The following RTN3 variants were observed in gnomAD, a reference collection of about 807,000 sequenced individuals.
The protein encoded by RTN3 is reticulon-3.
Under a neutral mutation model 77.8 loss-of-function variants are expected in RTN3, and 49 were observed. The observed-to-expected ratio is 0.63, with a 90% CI of 0.50 to 0.80. The LOEUF is 0.80. RTN3 is among the 30% of genes least tolerant of loss of function. The probability of loss-of-function intolerance (pLI) is 0.00; values close to 1 mark genes in which losing one functional copy is unlikely to be tolerated. For missense variants in RTN3, 1,236 were observed against 1,211.9 expected (o/e 1.02, Z -0.29); for synonymous variants, 464 against 446.9 (o/e 1.04, Z -0.48).
chr11:63,744,643 T>C lies in RTN3; in HGVS notation c.2531-5348T>C, dbSNP rs1051632178. On this transcript the variant is annotated intron_variant, in intron 3 of 8. Transcript: ENST00000377819. Reference sequence around the variant, plus strand: ...GCTTTGTTGTCCACATGTCATTTAGTACATAACTGTACTATACTCAGCCAG... The same window carrying C: ...GCTTTGTTGTCCACATGTCATTTAGCACATAACTGTACTATACTCAGCCAG... Among the ~76,000 whole-genome samples, 5 of 152,208 alleles carry C rather than the reference T, an allele frequency of 3.3e-5. No individual in the cohort carries two copies. In the South Asian group the frequency reaches 6.2e-4, roughly 19 times the overall value.
intron 3 of RTN3, among the ~76,000 whole-genome samples, chr11:63,737,048 C>T (rs1310486326): frequency 2.7e-5 from 4 of 150,586 alleles, no homozygotes; most frequent in African/African-American, 9.8e-5. Context: ...AATCCTAGCT[C>T]ACTGCTGCCT....
chr11:63,722,845 TATG>T (rs1167023777), intron 3 of RTN3, among the ~76,000 whole-genome samples: 1 of 152,220 alleles, frequency 6.6e-6, no homozygotes, highest in Non-Finnish European at 1.5e-5. Context: ...ATTTAAATAA[TATG>T]ATTCTCTGGC....
intron 3 of RTN3, among the ~76,000 whole-genome samples, chr11:63,743,300 GT>G (rs2013596615): frequency 6.6e-6 from 1 of 152,192 alleles, no homozygotes; most frequent in Non-Finnish European, 1.5e-5. Flanking sequence ...TAAGTACGAT[GT>G]TTGCTGTAAG....
chr11:63,681,703 T>C lies in RTN3; in HGVS notation c.67T>C (p.Ser23Pro), dbSNP rs1385854647. 6.2e-7 allele frequency: 1 copy of C among 1,611,040 alleles called. No individual in the cohort carries two copies. Residue 23 changes from serine to proline, a missense_variant, in exon 1 of 9, where the codon TCC becomes CCC. Coordinates refer to ENST00000377819, the MANE Select transcript of RTN3 (RefSeq NM_001265589.2). The part of the protein sequence containing the change: ...ISSSSFGAEP[S>P]APGGGGSPGA... ...CTCGTCGTCCTTCGGAGCCGAGCCG[T>C]CCGCGCCCGGCGGCGGCGGGAGCCC...
chr11:63,693,996 T>C (rs1941799784), intron 1 of RTN3, among the ~76,000 whole-genome samples: 1 of 152,058 alleles, frequency 6.6e-6, no homozygotes, highest in African/African-American at 2.4e-5. Context: ...GGTATATGCC[T>C]GTAGTCCCAG....
chr11:63,745,326 C>T (rs2013730747), intron 3 of RTN3, among the ~76,000 whole-genome samples: 1 of 152,136 alleles, frequency 6.6e-6, no homozygotes, highest in Non-Finnish European at 1.5e-5. Context: ...ATTAGCTTGG[C>T]CCCATGTTTA....
At chr11:63,733,951 C>CAT (rs556633746) in intron 3 of RTN3, among the ~76,000 whole-genome samples, 29 of 151,866 alleles carry the variant, frequency 1.9e-4, no homozygotes, top group East Asian at 1.7e-3. Context: ...CACAGACACA[C>CAT]ATATATATAT....
intron 3 of RTN3, among the ~76,000 whole-genome samples, chr11:63,733,773 C>T (rs916199270): frequency 6.6e-6 from 1 of 151,444 alleles, no homozygotes; most frequent in African/African-American, 2.4e-5. Context: ...TGTCTGTAGT[C>T]CCAGCTACTC....
chr11:63,688,427 T>C (rs1442470914), intron 1 of RTN3, among the ~76,000 whole-genome samples: 1 of 152,150 alleles, frequency 6.6e-6, no homozygotes, highest in African/African-American at 2.4e-5. Context: ...TTTCACCATG[T>C]TAGCCAGGAT....
chr11:63,748,887 C>T (rs957184108), intron 3 of RTN3, among the ~76,000 whole-genome samples: 5 of 151,364 alleles, frequency 3.3e-5, no homozygotes, highest in Non-Finnish European at 5.9e-5. Context: ...AGGTTGGTCT[C>T]GAACTCCTGA....
At position 63,696,580 on chromosome 11, in the gene RTN3, C is replaced by T. The variant is rs1163625475; in HGVS notation, c.143-8271C>T. On this transcript the variant is annotated intron_variant, in intron 1 of 8. Coordinates refer to ENST00000377819, the MANE Select transcript of RTN3 (RefSeq NM_001265589.2). Reference sequence around the variant, plus strand: ...TTTTTTTTGGAGACGGAGTCTTGCTCTGTTGCCCACGTTGGAGTACAGTGG... The same window carrying T: ...TTTTTTTTGGAGACGGAGTCTTGCTTTGTTGCCCACGTTGGAGTACAGTGG... Among the ~76,000 whole-genome samples, 22 of 129,134 alleles carry T rather than the reference C, an allele frequency of 1.7e-4. 1 individual carries two copies. The highest frequency in any genetic ancestry group is 6.1e-4 in the African/African-American group (21 of 34,614). 84.7% of individuals were successfully genotyped at this position (129,134 alleles called of 152,430 possible). A position where few individuals can be genotyped will look rare whatever the true frequency, so the allele number is the denominator to read the frequency against.
At chr11:63,725,831 G>A (rs76610899) in intron 3 of RTN3, among the ~76,000 whole-genome samples, 1,620 of 152,240 alleles carry the variant, frequency 0.011, 9 homozygotes, top group Middle Eastern at 0.034. Flanking sequence ...CTGCTTATCA[G>A]TTTCACTTCT....
chr11:63,758,655 G>GTT lies in RTN3; in HGVS notation c.*462_*463dup, dbSNP rs1242913936. On this transcript the variant is annotated 3_prime_UTR_variant, in exon 9 of 9. Coordinates refer to ENST00000377819, the MANE Select transcript of RTN3 (RefSeq NM_001265589.2). ...GGACAGGAGTGTGATACCTTCCTTG[G>GTT]TTTTTTTTTGCAGCCCTCAAATCCT... 6.2e-6 allele frequency: 2 copies of GTT among 324,192 alleles called. No individual in the cohort carries two copies. Among genetic ancestry groups the GTT allele is most frequent in the East Asian group, 4.9e-5 (1 of 20,384 alleles). 20.1% of individuals were successfully genotyped at this position (324,192 alleles called of 1,614,324 possible). A position where few individuals can be genotyped will look rare whatever the true frequency, so the allele number is the denominator to read the frequency against.
chr11:63,690,850 G>T (rs921158943), intron 1 of RTN3, among the ~76,000 whole-genome samples: 1 of 152,046 alleles, frequency 6.6e-6, no homozygotes, highest in Admixed American at 6.6e-5. Flanking sequence ...TTTGTCTTCT[G>T]TGACACCACA....
intron 2 of RTN3, among the ~76,000 whole-genome samples, chr11:63,711,570 A>G (rs186481889): frequency 6.0e-5 from 9 of 151,032 alleles, no homozygotes; most frequent in South Asian, 2.1e-4. Context: ...AAAACAAAAA[A>G]TTTTATTTTT....
intron 2 of RTN3, among the ~76,000 whole-genome samples, chr11:63,712,201 C>G (rs568790980): frequency 1.3e-5 from 2 of 152,166 alleles, no homozygotes; most frequent in South Asian, 4.2e-4. Flanking sequence ...TATTATATAC[C>G]AGATGAAGGT....
intron 1 of RTN3, among the ~76,000 whole-genome samples, chr11:63,686,133 A>T (rs529338281): frequency 6.6e-6 from 1 of 152,304 alleles, no homozygotes; most frequent in South Asian, 2.1e-4. Flanking sequence ...TATCATCTGA[A>T]CTTTAAAAGT....
rs1278435847 is a variant in RTN3, at chr11:63,758,657, T to G, written c.*456T>G. ...ACAGGAGTGTGATACCTTCCTTGGT[T>G]TTTTTTTGCAGCCCTCAAATCCTAT... On this transcript the variant is annotated 3_prime_UTR_variant, in exon 9 of 9. Coordinates refer to ENST00000377819, the MANE Select transcript of RTN3 (RefSeq NM_001265589.2). 3.6e-5 allele frequency: 12 copies of G among 332,156 alleles called. No homozygotes were observed. The highest frequency in any genetic ancestry group is 6.5e-5 in the Non-Finnish European group (12 of 185,464). The allele number at this position is 332,156 out of a possible 1,614,324, so 20.6% of individuals were successfully genotyped here.
At chr11:63,751,801 G>A (rs948849103) in intron 4 of RTN3, among the ~76,000 whole-genome samples, 10 of 152,130 alleles carry the variant, frequency 6.6e-5, no homozygotes, top group African/African-American at 2.4e-4. Context: ...AGACTAGCCT[G>A]GCCAACATGG....
Sources: gnomAD v4.1 joint callset for allele counts (sites outside exome capture counted in the v4.1 genomes callset) on GRCh38, gnomAD v4.1.1 for gene constraint, MANE v1.5 for transcripts, NCBI Gene and HGNC (gene_info 2026-07-23, HGNC 2026-07-21) for gene names.